RAB3C: variants seen among roughly 807,000 people sequenced by gnomAD.
RAB3C encodes ras-related protein Rab-3C.
RAB3C carries 17 observed loss-of-function variants against 26.4 expected under a neutral mutation model. The observed-to-expected ratio is 0.64, with a 90% confidence interval of 0.44 to 0.97. The LOEUF (loss-of-function observed/expected upper bound fraction) is 0.97, where lower values mean the gene tolerates loss of function less well. Ranked by LOEUF, RAB3C falls within the 50% of genes least tolerant of loss-of-function variation. The pLI, the probability that RAB3C is intolerant of heterozygous loss-of-function variation, is 0.00. For synonymous variants in RAB3C, 91 were observed against 95.9 expected (o/e 0.95, Z 0.30); for missense variants, 242 against 281.9 (o/e 0.86, Z 1.01).
At chr5:58,739,156 C>T (rs1450606555) in intron 3 of RAB3C, among the ~76,000 whole-genome samples, 5 of 152,200 alleles carry the variant, frequency 3.3e-5, no homozygotes, top group South Asian at 4.1e-4. Flanking sequence ...TCAGGACCAT[C>T]GTGAATACAC....
At chr5:58,699,010 C>T (rs772294540) in intron 2 of RAB3C, among the ~76,000 whole-genome samples, 6 of 152,218 alleles carry the variant, frequency 3.9e-5, no homozygotes, top group South Asian at 2.1e-4. Flanking sequence ...AGAGGCGCTC[C>T]GATTTTTAGT....
At chr5:58,716,544 C>T (rs1400415609) in intron 2 of RAB3C, among the ~76,000 whole-genome samples, 2 of 152,052 alleles carry the variant, frequency 1.3e-5, no homozygotes, top group Non-Finnish European at 2.9e-5. Context: ...AAAAAATGGT[C>T]TACTGCTTCA....
chr5:58,736,325 A>T (rs1399253290), intron 3 of RAB3C, among the ~76,000 whole-genome samples: 3 of 152,206 alleles, frequency 2.0e-5, no homozygotes, highest in Non-Finnish European at 4.4e-5. Context: ...TATGCTAATG[A>T]TACATGCAAT....
At chr5:58,800,227 C>G (rs1742772837) in intron 3 of RAB3C, among the ~76,000 whole-genome samples, 2 of 152,218 alleles carry the variant, frequency 1.3e-5, no homozygotes, top group Admixed American at 1.3e-4. Flanking sequence ...AAAGCAAACT[C>G]ATTCTTTGGT....
At chr5:58,767,963 A>G (rs1741944627) in intron 3 of RAB3C, among the ~76,000 whole-genome samples, 1 of 152,192 alleles carries the variant, frequency 6.6e-6, no homozygotes, top group African/African-American at 2.4e-5. Context: ...CCTCTCTGAC[A>G]TCTAAACTGA....
intron 3 of RAB3C, among the ~76,000 whole-genome samples, chr5:58,805,478 A>G (rs183082684): frequency 1.3e-5 from 2 of 151,224 alleles, no homozygotes; most frequent in African/African-American, 4.9e-5. Flanking sequence ...CCATCTACAC[A>G]GGGGGCTGAA....
At position 58,855,893 on chromosome 5, in the gene RAB3C, T is replaced by G. The variant is rs1168062210; in HGVS notation, c.*4542T>G. On this transcript the variant is annotated 3_prime_UTR_variant, in exon 5 of 5. Coordinates refer to ENST00000282878, the MANE Select transcript of RAB3C (RefSeq NM_138453.4). ...TTGGGGGATTTATCTAAAATGTATC[T>G]ACCTATTGTTACTGGTATTTCACAA... 2.0e-5 allele frequency: 3 copies of G among 152,224 alleles called. No homozygotes were observed. The highest frequency in any genetic ancestry group is 6.5e-5 in the Admixed American group (1 of 15,274). 9.4% of individuals were successfully genotyped at this position (152,224 alleles called of 1,614,324 possible).
intron 2 of RAB3C, among the ~76,000 whole-genome samples, chr5:58,691,950 A>G (rs113035787): frequency 3.2e-4 from 48 of 152,302 alleles, no homozygotes; most frequent in Non-Finnish European, 6.6e-4. Context: ...CATGGACCCA[A>G]GCATATTTTA....
At chr5:58,743,257 GT>G (rs1561307278) in intron 3 of RAB3C, among the ~76,000 whole-genome samples, 1 of 151,940 alleles carries the variant, frequency 6.6e-6, no homozygotes, top group Non-Finnish European at 1.5e-5. Context: ...ACTGTTTTTT[GT>G]TTTTGTTTTT....
At chr5:58,671,649 A>G (rs1177298727) in intron 2 of RAB3C, among the ~76,000 whole-genome samples, 1 of 152,188 alleles carries the variant, frequency 6.6e-6, no homozygotes, top group Non-Finnish European at 1.5e-5. Flanking sequence ...TTTCTGTTAC[A>G]GATACATTGA....
chr5:58,842,861 C>A (rs1457162038), intron 4 of RAB3C, among the ~76,000 whole-genome samples: 1 of 152,170 alleles, frequency 6.6e-6, no homozygotes, highest in East Asian at 1.9e-4. Context: ...AGAAGAATTT[C>A]TTGATTTTAA....
intron 2 of RAB3C, among the ~76,000 whole-genome samples, chr5:58,695,257 G>T (rs902947180): frequency 6.6e-6 from 1 of 152,148 alleles, no homozygotes; most frequent in African/African-American, 2.4e-5. Flanking sequence ...TATTTCTGAG[G>T]CCTCTGTTCT....
chr5:58,704,256 A>G (rs563869251), intron 2 of RAB3C, among the ~76,000 whole-genome samples: 1 of 152,180 alleles, frequency 6.6e-6, no homozygotes. Flanking sequence ...GAAGAGAAAC[A>G]TTCCTGGCTT....
At chr5:58,602,584 C>G (rs748247743) in intron 1 of RAB3C, among the ~76,000 whole-genome samples, 4 of 152,046 alleles carry the variant, frequency 2.6e-5, no homozygotes, top group Non-Finnish European at 5.9e-5. Context: ...GGCCTTTTAC[C>G]ATTATATAAT....
intron 2 of RAB3C, among the ~76,000 whole-genome samples, chr5:58,652,432 C>T (rs1330019004): frequency 1.3e-5 from 2 of 150,396 alleles, no homozygotes; most frequent in Non-Finnish European, 3.0e-5. Context: ...TATTTTTTTT[C>T]TTAAAATGTA....
At chr5:58,719,003 G>A (rs1740674617) in intron 2 of RAB3C, among the ~76,000 whole-genome samples, 3 of 151,908 alleles carry the variant, frequency 2.0e-5, no homozygotes, top group Non-Finnish European at 2.9e-5. Context: ...ATGCAACTTG[G>A]GAGAAGTATT....
rs556182140 is a variant in RAB3C at position 58,608,342 on chromosome 5, C to T, written c.25-9301C>T. On this transcript the variant is annotated intron_variant, in intron 1 of 4. Coordinates refer to ENST00000282878, the MANE Select transcript of RAB3C (RefSeq NM_138453.4). Reference sequence around the variant, plus strand: ...TCTACAAAGAACTTAAACAAATTTACAAGAAAAAAACAACCCCATCAAAAA... The same window carrying T: ...TCTACAAAGAACTTAAACAAATTTATAAGAAAAAAACAACCCCATCAAAAA... 3.3e-5 allele frequency among the ~76,000 whole-genome samples: 5 copies of T among 152,102 alleles called. No homozygotes were observed. In the South Asian group the frequency reaches 8.3e-4, roughly 25 times the overall value.
chr5:58,705,078 A>C (rs1748917161), intron 2 of RAB3C, among the ~76,000 whole-genome samples: 1 of 150,384 alleles, frequency 6.6e-6, no homozygotes, highest in Non-Finnish European at 1.5e-5. Context: ...TCACTATGAT[A>C]ATTTTTTTCC....
chr5:58,667,784 G>A (rs1748032063), intron 2 of RAB3C, among the ~76,000 whole-genome samples: 1 of 152,060 alleles, frequency 6.6e-6, no homozygotes, highest in Non-Finnish European at 1.5e-5. Flanking sequence ...AATAATGCCA[G>A]GGTAAATTTC....
Sources: gnomAD v4.1 joint callset for allele counts (sites outside exome capture counted in the v4.1 genomes callset) on GRCh38, gnomAD v4.1.1 for gene constraint, MANE v1.5 for transcripts, NCBI Gene and HGNC (gene_info 2026-07-23, HGNC 2026-07-21) for gene names.